Variants in DNAI7 observed in about 807,000 individuals in gnomAD.
DNAI7 encodes dynein axonemal intermediate chain 7, also known as cancer susceptibility 1.
In DNAI7, 78 loss-of-function variants were observed where a neutral mutation model predicts 86.6. The ratio of observed to expected loss-of-function variants is 0.90; its 90% CI spans 0.75 to 1.09. DNAI7 has a LOEUF of 1.09. DNAI7 is among the 50% of genes least tolerant of loss of function. The pLI is 0.00. For missense variants in DNAI7, 753 were observed against 810.2 expected, an observed-to-expected ratio of 0.93 and a Z score of 0.86; for synonymous variants, 274 against 273.0, an observed-to-expected ratio of 1.00 and a Z score of -0.04.
At position 25,108,568 on chromosome 12, in the gene DNAI7, T is replaced by C; in HGVS notation, c.2149A>G (p.Arg717Gly). Reference sequence around the variant, plus strand: ...GGAGGTTAGGAGTAGCTGAGCAATCTGGTAGAGAGCAGCATGTGGCACACA... The same window carrying C: ...GGAGGTTAGGAGTAGCTGAGCAATCCGGTAGAGAGCAGCATGTGGCACACA... ...NSVCHMLLST[R>G]LLSYS Residue 717 changes from arginine (R) to glycine (G), a missense_variant, in exon 16 of 16, where the codon AGA becomes GGA. Transcript: ENST00000395987. 1 of 1,613,530 alleles carries C rather than the reference T, an allele frequency of 6.2e-7. No homozygotes were observed. The highest frequency in any genetic ancestry group is 8.5e-7 in the Non-Finnish European group (1 of 1,179,706).
At chr12:25,151,654 T>G (rs1945561309) in intron 6 of DNAI7, among the ~76,000 whole-genome samples, 1 of 152,222 alleles carries the variant, frequency 6.6e-6, no homozygotes, top group South Asian at 2.1e-4. Context: ...TGGCAGCCTC[T>G]CTGGTAGACA....
At chr12:25,191,146 T>C (rs1249140537) in intron 1 of DNAI7, among the ~76,000 whole-genome samples, 1 of 152,174 alleles carries the variant, frequency 6.6e-6, no homozygotes, top group Non-Finnish European at 1.5e-5. Context: ...CCTCACACGG[T>C]GGCTCACTCC....
In DNAI7 at chr12:25,147,031, T is replaced by A. The variant is rs751471398; in HGVS notation, c.659A>T (p.Tyr220Phe). ...ATTCTTCTTGAGGTTTGCCCACACATACAGAGTAACATTTTCATCTTTAAT... is the reference window on the plus strand; with the variant it reads ...ATTCTTCTTGAGGTTTGCCCACACAAACAGAGTAACATTTTCATCTTTAAT... ...KVIKDENVTL[Y>F]VWANLKKNPR... The change falls in exon 8 of 16, where the codon TAT (tyrosine) becomes TTT (phenylalanine). Residue 220 changes from tyrosine (Y) to phenylalanine (F), a missense_variant. Transcript: ENST00000395987. 6.2e-7 allele frequency: 1 copy of A among 1,602,426 alleles called. No homozygotes were observed. Among genetic ancestry groups the A allele is most frequent in the Non-Finnish European group, 8.6e-7 (1 of 1,169,346 alleles).
intron 2 of DNAI7, chr12:25,185,643 A>C: frequency 2.2e-4 from 44 of 199,006 alleles, no homozygotes; most frequent in Non-Finnish European, 3.6e-4. Flanking sequence ...AATTGATTTA[A>C]TTCCCTCATA....
chr12:25,108,755 G>A lies in DNAI7; in HGVS notation c.1962C>T (p.Asp654=), dbSNP rs1401422688. Residue 654 remains aspartate, a synonymous_variant, in exon 16 of 16, where the codon GAC becomes GAT. Coordinates refer to ENST00000395987, the MANE Select transcript of DNAI7 (RefSeq NM_018272.5). The part of the protein sequence containing the change: ...PNWALLMFSG[D]RAQRLKIKEE... ...CCTTGATCTTCAGTCTTTGTGCTCT[G>A]TCACCACTAAACATTAAAAGGGCCC... 1 of 1,498,318 alleles carries A rather than the reference G, an allele frequency of 6.7e-7. No individual in the cohort carries two copies. 92.8% of individuals were successfully genotyped at this position (1,498,318 alleles called of 1,614,324 possible).
chr12:25,143,170 TAG>T (rs900218979), intron 9 of DNAI7, among the ~76,000 whole-genome samples: 5 of 152,246 alleles, frequency 3.3e-5, no homozygotes, highest in African/African-American at 1.2e-4. Flanking sequence ...TGCTTGTCAT[TAG>T]AGTCTAAATA....
Position 25,121,928 on chromosome 12 carries a change from A to G in DNAI7, c.1079-15T>C. On this transcript the variant is annotated splice_polypyrimidine_tract_variant and intron_variant, in intron 10 of 15. Transcript: ENST00000395987. ...CAACAACTGTGCTAAAATTAATCAG[A>G]TTAACAGTTTTCAAATAGATTACAG... The G allele has an allele frequency of 1.3e-6, 2 of 1,537,396 alleles. No homozygotes were observed. The highest frequency in any genetic ancestry group is 1.7e-6 in the Non-Finnish European group (2 of 1,144,730).
At chr12:25,118,692 G>A (rs905142805) in intron 12 of DNAI7, among the ~76,000 whole-genome samples, 2 of 152,078 alleles carry the variant, frequency 1.3e-5, no homozygotes, top group African/African-American at 4.8e-5. Flanking sequence ...CTCCCAAGTA[G>A]CTGGGATTAC....
chr12:25,112,399 GTTTTTTTTTT>G (rs10602859), intron 13 of DNAI7, among the ~76,000 whole-genome samples: 1 of 104,298 alleles, frequency 9.6e-6, no homozygotes, highest in Non-Finnish European at 1.8e-5. Context: ...TTCACATCTG[GTTTTTTTTTT>G]TTTTTTTTTT....
intron 9 of DNAI7, among the ~76,000 whole-genome samples, chr12:25,141,006 C>G (rs1367584195): frequency 6.6e-6 from 1 of 152,106 alleles, no homozygotes; most frequent in Non-Finnish European, 1.5e-5. Context: ...ATGGGCAAGC[C>G]ATGTATAGAA....
intron 9 of DNAI7, among the ~76,000 whole-genome samples, chr12:25,127,801 G>A (rs1025754940): frequency 6.6e-6 from 1 of 152,032 alleles, no homozygotes; most frequent in African/African-American, 2.4e-5. Context: ...ATCATTAATA[G>A]GTGGATCAAT....
At chr12:25,118,077 G>GT (rs1268866212) in intron 12 of DNAI7, among the ~76,000 whole-genome samples, 1 of 151,724 alleles carries the variant, frequency 6.6e-6, no homozygotes, top group Non-Finnish European at 1.5e-5. Flanking sequence ...GGGACTACAG[G>GT]CATGTGCCAC....
chr12:25,189,501 G>C (rs1265811992), intron 2 of DNAI7, among the ~76,000 whole-genome samples: 1 of 152,106 alleles, frequency 6.6e-6, no homozygotes, highest in African/African-American at 2.4e-5. Flanking sequence ...AATTAGACAG[G>C]CATGGTGGCG....
In DNAI7 at chr12:25,120,586, C is replaced by T. The variant is rs966313027; in HGVS notation, c.1239+1167G>A. On this transcript the variant is annotated intron_variant, in intron 11 of 15. Transcript: ENST00000395987. The stretch of plus-strand genomic sequence containing the variant: ...AAATACAAAAAAAAAATTAGCCGGG[C>T]GTGGTAGCGGGCGCCTGTAGTCCCA... Among the ~76,000 whole-genome samples the T allele has an allele frequency of 2.0e-5, 3 of 151,390 alleles. No individual in the cohort carries two copies. In the South Asian group the frequency reaches 6.3e-4, roughly 32 times the overall value.
chr12:25,161,269 C>T (rs1214503777), intron 2 of DNAI7, 72 bp from the exon 3 acceptor site: 7 of 1,301,124 alleles, frequency 5.4e-6, no homozygotes, highest in Non-Finnish European at 7.8e-6. Flanking sequence ...TTTTCAAATA[C>T]TAATTATGAA....
chr12:25,141,458 G>C (rs1162200739), intron 9 of DNAI7, among the ~76,000 whole-genome samples: 1 of 152,062 alleles, frequency 6.6e-6, no homozygotes, highest in Non-Finnish European at 1.5e-5. Flanking sequence ...AGAAACATAA[G>C]AAAAAATGCT....
intron 4 of DNAI7, among the ~76,000 whole-genome samples, chr12:25,157,326 T>A (rs921764758): frequency 6.8e-6 from 1 of 146,974 alleles, no homozygotes; most frequent in Admixed American, 6.7e-5. Context: ...AAGAAGAATA[T>A]CCACAATTAT....
At chr12:25,175,391 C>T (rs931426842) in intron 2 of DNAI7, among the ~76,000 whole-genome samples, 4 of 151,938 alleles carry the variant, frequency 2.6e-5, no homozygotes, top group African/African-American at 4.8e-5. Context: ...TTTTTTGAGA[C>T]GGACTCTCGC....
At chr12:25,136,822 T>C (rs1286402281) in intron 9 of DNAI7, among the ~76,000 whole-genome samples, 1 of 152,118 alleles carries the variant, frequency 6.6e-6, no homozygotes, top group Non-Finnish European at 1.5e-5. Context: ...ACTTCAAAGC[T>C]TGAAGACAAG....
Sources: gnomAD v4.1 joint callset for allele counts (sites outside exome capture counted in the v4.1 genomes callset) on GRCh38, gnomAD v4.1.1 for gene constraint, MANE v1.5 for transcripts, NCBI Gene and HGNC (gene_info 2026-07-23, HGNC 2026-07-21) for gene names.